Variants in ZNF469 observed in about 807,000 individuals in gnomAD.
The protein encoded by ZNF469 is zinc finger protein 469.
A neutral mutation model predicts 1.0 loss-of-function variants in ZNF469; 1 was observed. The ratio of observed to expected loss-of-function variants is 1.00; its 90% CI spans 0.35 to 4.73. ZNF469 has a LOEUF of 4.73. Among genes scored for constraint, ZNF469 ranks in the 30% most tolerant of loss-of-function variants. ZNF469 has a pLI of 0.16. For missense variants in ZNF469, 6,100 were observed against 5,356.3 expected, an observed-to-expected ratio of 1.14 and a Z score of -4.33; for synonymous variants, 2,703 against 2,363.4, an observed-to-expected ratio of 1.14 and a Z score of -4.17.
At chr16:88,233,889 C>T in the ZNF469 span, among the ~76,000 whole-genome samples, 1 of 152,254 alleles carries the variant, frequency 6.6e-6, no homozygotes, top group Non-Finnish European at 1.5e-5. Context: ...GCTCTCTCGC[C>T]CGCAGCCCCG....
the ZNF469 span, among the ~76,000 whole-genome samples, chr16:88,354,941 G>A: frequency 6.6e-6 from 1 of 152,196 alleles, no homozygotes; most frequent in Non-Finnish European, 1.5e-5. Context: ...GGGGGCAGGG[G>A]GCTGAGAAGA....
At chr16:88,333,863 A>AGTGT in the ZNF469 span, among the ~76,000 whole-genome samples, 274 of 141,010 alleles carry the variant, frequency 1.9e-3, 3 homozygotes, top group African/African-American at 6.2e-3. Flanking sequence ...GGGCAGTTGC[A>AGTGT]GTGTGTGTGT....
chr16:88,380,594 C>CAG (rs1434337288), upstream of ZNF469, among the ~76,000 whole-genome samples: 1 of 149,132 alleles, frequency 6.7e-6, no homozygotes. Flanking sequence ...TGCACTCACA[C>CAG]ACATGCACTC....
Position 88,436,097 on chromosome 16 carries a change from A to T in ZNF469, c.8627A>T (p.His2876Leu). The change falls in exon 3 of 3, where the codon CAT becomes CTT. Residue 2876 changes from histidine (H) to leucine (L), a missense_variant. Transcript: ENST00000565624. ...GGRLTRKRNPHVYGKRCEKPV... is the reference protein window; with the variant it reads ...GGRLTRKRNPLVYGKRCEKPV... ...CGCTTGACTAGAAAGAGGAACCCGC[A>T]TGTCTACGGGAAGCGCTGTGAGAAG... is the stretch of plus-strand genomic sequence containing the variant. 6.5e-7 allele frequency: 1 copy of T among 1,549,610 alleles called. No homozygotes were observed.
At chr16:88,261,325 C>T in the ZNF469 span, among the ~76,000 whole-genome samples, 7 of 152,212 alleles carry the variant, frequency 4.6e-5, no homozygotes, top group African/African-American at 1.4e-4. The surrounding 1 kb of genome is among the most constrained non-coding windows in gnomAD (Gnocchi z 6.0). Context: ...CTGCCCCTCC[C>T]TGTGGCAGAG....
At position 88,436,419 on chromosome 16, in the gene ZNF469, G is replaced by T. The variant is rs540837720; in HGVS notation, c.8949G>T (p.Arg2983=). 3 of 1,548,964 alleles carry T rather than the reference G, an allele frequency of 1.9e-6. No individual in the cohort carries two copies. Among genetic ancestry groups the T allele is most frequent in the Admixed American group, 2.0e-5 (1 of 51,010 alleles). Residue 2983 remains arginine, a synonymous_variant, in exon 3 of 3, where the codon CGG becomes CGT. Transcript: ENST00000565624. ...KLPSHCPEDD[R]PEAIPELHMV... ...CCTCCCACTGCCCCGAGGACGATCG[G>T]CCGGAGGCCATTCCTGAGCTGCACA...
the ZNF469 span, among the ~76,000 whole-genome samples, chr16:88,131,204 G>T: frequency 6.6e-6 from 1 of 152,242 alleles, no homozygotes; most frequent in African/African-American, 2.4e-5. Flanking sequence ...GTCGAGTAAG[G>T]CGCAGAATCA....
the ZNF469 span, among the ~76,000 whole-genome samples, chr16:88,196,435 A>C: frequency 6.6e-6 from 1 of 152,164 alleles, no homozygotes; most frequent in Admixed American, 6.5e-5. Flanking sequence ...GTCTGATAAT[A>C]TGACAGAGGT....
chr16:88,144,624 A>C, the ZNF469 span, among the ~76,000 whole-genome samples: 1 of 152,144 alleles, frequency 6.6e-6, no homozygotes, highest in Non-Finnish European at 1.5e-5. Flanking sequence ...TTTGATTCCA[A>C]AGCCTCTTTA....
At chr16:88,398,551 T>A (rs62047066) in intron 1 of ZNF469, among the ~76,000 whole-genome samples, 38,175 of 140,500 alleles carry the variant, frequency 0.27, 5,361 homozygotes, top group African/African-American at 0.42. Context: ...GAGCCACAGA[T>A]GAAGAGAATG....
chr16:88,313,611 A>G, the ZNF469 span, among the ~76,000 whole-genome samples: 3 of 152,004 alleles, frequency 2.0e-5, no homozygotes, highest in East Asian at 5.8e-4. Flanking sequence ...TGTAATTAAG[A>G]TGATGCTGGT....
At chr16:88,256,904 T>TCTCTCTCTCTCTCTCTCTCTCTC in the ZNF469 span, among the ~76,000 whole-genome samples, 2 of 15,860 alleles carry the variant, frequency 1.3e-4, no homozygotes, top group Non-Finnish European at 2.6e-4. Context: ...CCTTCTTTCT[T>TCTCTCTCTCTCTCTCTCTCTCTC]TCTTTCTTTC....
the ZNF469 span, among the ~76,000 whole-genome samples, chr16:88,300,006 C>G: frequency 6.6e-6 from 1 of 152,146 alleles, no homozygotes; most frequent in Non-Finnish European, 1.5e-5. Flanking sequence ...ATGGAGGCAG[C>G]GCACGGCACG....
chr16:88,152,170 C>T, the ZNF469 span, among the ~76,000 whole-genome samples: 3 of 152,202 alleles, frequency 2.0e-5, no homozygotes, highest in Non-Finnish European at 2.9e-5. This position sits in a 1 kb window ranked among gnomAD's most constrained non-coding sequence, Gnocchi z 4.2. Context: ...ATTCTGAGAA[C>T]TGTAGCGAAA....
the ZNF469 span, among the ~76,000 whole-genome samples, chr16:88,345,813 C>T: frequency 6.6e-6 from 1 of 152,166 alleles, no homozygotes; most frequent in Admixed American, 6.5e-5. Context: ...GGGGAGAATG[C>T]TTGCCAGCCC....
Position 88,432,968 on chromosome 16 carries a change from G to A in ZNF469, c.5498G>A (p.Gly1833Glu), listed in dbSNP as rs1323650990. 6.4e-7 allele frequency: 1 copy of A among 1,550,428 alleles called. No individual in the cohort carries two copies. Among genetic ancestry groups the A allele is most frequent in the Admixed American group, 2.0e-5 (1 of 51,010 alleles). The change falls in exon 3 of 3, where the codon GGA becomes GAA. Residue 1833 changes from glycine (G) to glutamate (E), a missense_variant. Coordinates refer to ENST00000565624, the MANE Select transcript of ZNF469 (RefSeq NM_001367624.2). ...GCCAGTCCCAGCCATGCTGCCCAGG[G>A]ACATTCTGCAGGCAGAGCAGGTGGG... The part of the protein sequence containing the change: ...FGASPSHAAQ[G>E]HSAGRAGGHL...
At chr16:88,159,255 C>G in the ZNF469 span, among the ~76,000 whole-genome samples, 1 of 152,026 alleles carries the variant, frequency 6.6e-6, no homozygotes, top group African/African-American at 2.4e-5. Flanking sequence ...GAGCTCTTTC[C>G]CCTACACCCT....
the ZNF469 span, among the ~76,000 whole-genome samples, chr16:88,243,944 AT>A: frequency 2.4e-3 from 291 of 122,588 alleles, 21 homozygotes; most frequent in Non-Finnish European, 3.7e-3. Context: ...ATATATATAT[AT>A]ATATATAAAT....
Position 88,394,157 on chromosome 16 carries a change from A to T in ZNF469, c.-192+10903A>T, listed in dbSNP as rs1284486940. Among the ~76,000 whole-genome samples, 2 of 150,934 alleles carry T rather than the reference A, an allele frequency of 1.3e-5. 1 individual carries two copies. Among genetic ancestry groups the T allele is most frequent in the Non-Finnish European group, 3.0e-5 (2 of 67,796 alleles). On this transcript the variant is annotated intron_variant, in intron 1 of 2. Transcript: ENST00000565624. ...CACGCCTACACCTGCGCTGTCCGAG[A>T]GGGATGGGGTTTGACAGGTCTACAC...
Sources: allele counts gnomAD v4.1 joint callset (sites outside exome capture counted in the v4.1 genomes callset), GRCh38; gene constraint gnomAD v4.1.1; non-coding constraint Gnocchi (gnomAD v3.1); transcripts MANE v1.5; gene names NCBI Gene and HGNC (gene_info 2026-07-23, HGNC 2026-07-21).